The following SLC9A9 variants were observed in gnomAD, a reference collection of about 807,000 sequenced individuals.
SLC9A9 encodes the protein solute carrier family 9 member A9, also known as sodium/hydrogen exchanger 9.
In SLC9A9, 62 loss-of-function variants were observed where a neutral mutation model predicts 77.8. The ratio of observed to expected loss-of-function variants is 0.80; its 90% CI spans 0.65 to 0.98. The LOEUF is 0.98. SLC9A9 is among the 50% of genes least tolerant of loss of function. The pLI is 0.00. For missense variants in SLC9A9, 775 were observed against 774.9 expected (o/e 1.00, Z 0.00); for synonymous variants, 320 against 283.5 (o/e 1.13, Z -1.29).
At chr3:143,440,107 A>G (rs930766947) in intron 12 of SLC9A9, among the ~76,000 whole-genome samples, 5 of 152,236 alleles carry the variant, frequency 3.3e-5, no homozygotes, top group African/African-American at 1.2e-4. Flanking sequence ...GTTAAGAAAG[A>G]GTGAATGGTG....
At chr3:143,444,813 A>G (rs368788674) in intron 12 of SLC9A9, among the ~76,000 whole-genome samples, 47 of 152,324 alleles carry the variant, frequency 3.1e-4, no homozygotes, top group African/African-American at 8.9e-4. Flanking sequence ...TAAATGGGAA[A>G]GAAAGGTTTC....
intron 12 of SLC9A9, among the ~76,000 whole-genome samples, chr3:143,453,824 G>A (rs566708476): frequency 6.6e-6 from 1 of 152,076 alleles, no homozygotes; most frequent in Non-Finnish European, 1.5e-5. Flanking sequence ...AATGTTTTTT[G>A]TCCCCTCCAA....
chr3:143,609,449 G>T (rs1444498648), intron 6 of SLC9A9, among the ~76,000 whole-genome samples: 1 of 151,974 alleles, frequency 6.6e-6, no homozygotes, highest in African/African-American at 2.4e-5. Context: ...CTAGTATTTG[G>T]GCAGCAAGCT....
At chr3:143,352,863 T>C (rs961433978) in intron 14 of SLC9A9, among the ~76,000 whole-genome samples, 3 of 152,210 alleles carry the variant, frequency 2.0e-5, no homozygotes, top group Admixed American at 2.0e-4. Context: ...TTCTCCCTGT[T>C]AGATCAGCTT....
chr3:143,826,548 C>T (rs1318878055), intron 2 of SLC9A9, among the ~76,000 whole-genome samples: 1 of 152,148 alleles, frequency 6.6e-6, no homozygotes, highest in African/African-American at 2.4e-5. Context: ...GGCACACTAT[C>T]CTTTTGCTTT....
At chr3:143,673,135 C>T (rs1271039761) in intron 5 of SLC9A9, among the ~76,000 whole-genome samples, 1 of 152,160 alleles carries the variant, frequency 6.6e-6, no homozygotes, top group Admixed American at 6.5e-5. Context: ...AAATGCCTTT[C>T]ATTTTGGAAG....
At chr3:143,452,920 A>G (rs2035033099) in intron 12 of SLC9A9, among the ~76,000 whole-genome samples, 1 of 152,134 alleles carries the variant, frequency 6.6e-6, no homozygotes, top group Admixed American at 6.6e-5. Flanking sequence ...GATAAGAAGC[A>G]TGTGATGACT....
intron 12 of SLC9A9, among the ~76,000 whole-genome samples, chr3:143,426,838 T>C (rs2034416022): frequency 2.0e-5 from 3 of 152,200 alleles, no homozygotes; most frequent in Admixed American, 2.0e-4. Flanking sequence ...AAGGACCCTC[T>C]GAGATAATTT....
chr3:143,437,933 C>T (rs74424996), intron 12 of SLC9A9, among the ~76,000 whole-genome samples: 4,606 of 152,234 alleles, frequency 0.03, 242 homozygotes, highest in African/African-American at 0.11. Flanking sequence ...CATATGGTCA[C>T]TAGAAAATTA....
chr3:143,695,933 T>C (rs1452217518), intron 4 of SLC9A9, among the ~76,000 whole-genome samples: 1 of 152,226 alleles, frequency 6.6e-6, no homozygotes, highest in African/African-American at 2.4e-5. Context: ...CATGTATTTG[T>C]TGGCTGCATA....
At position 143,290,158 on chromosome 3, in the gene SLC9A9, A is replaced by C. The variant is rs1578265780; in HGVS notation, c.1605-21178T>G. On this transcript the variant is annotated intron_variant, in intron 14 of 15. Transcript: ENST00000316549. ...CTCAGGGGGAGGAGGGAAACCATGT[A>C]ATCTATTGTCAAAACTAGGACAGAG... Among the ~76,000 whole-genome samples the C allele has an allele frequency of 8.5e-5, 13 of 152,248 alleles. 1 individual carries two copies. The South Asian group carries it at 2.7e-3, about 32-fold the overall frequency.
intron 2 of SLC9A9, among the ~76,000 whole-genome samples, chr3:143,809,187 A>C (rs544991230): frequency 6.6e-6 from 1 of 152,278 alleles, no homozygotes; most frequent in Admixed American, 6.5e-5. Context: ...CAGTGGTACA[A>C]CCTCCTGGAC....
intron 2 of SLC9A9, among the ~76,000 whole-genome samples, chr3:143,800,930 C>G (rs1456526506): frequency 2.0e-5 from 3 of 152,150 alleles, no homozygotes; most frequent in Non-Finnish European, 4.4e-5. Flanking sequence ...CCGATTGTGT[C>G]CAAACTGATC....
intron 2 of SLC9A9, among the ~76,000 whole-genome samples, chr3:143,797,763 A>G (rs2008428476): frequency 6.6e-6 from 1 of 152,062 alleles, no homozygotes; most frequent in Non-Finnish European, 1.5e-5. Context: ...CCACCAGAGA[A>G]CAACCCCCTT....
intron 4 of SLC9A9, among the ~76,000 whole-genome samples, chr3:143,730,777 T>C (rs566665204): frequency 6.6e-6 from 1 of 152,240 alleles, no homozygotes; most frequent in South Asian, 2.1e-4. Flanking sequence ...GATGGATTGA[T>C]AATGGATGGA....
chr3:143,514,802 C>G (rs2036176095), intron 9 of SLC9A9, among the ~76,000 whole-genome samples: 1 of 152,228 alleles, frequency 6.6e-6, no homozygotes, highest in African/African-American at 2.4e-5. Context: ...GTTTTATCCT[C>G]TATCCAGACC....
chr3:143,421,521 A>G (rs575972415), intron 12 of SLC9A9, among the ~76,000 whole-genome samples: 1 of 152,254 alleles, frequency 6.6e-6, no homozygotes, highest in African/African-American at 2.4e-5. Flanking sequence ...TTAATAAATG[A>G]TGCTGGAATG....
chr3:143,349,751 C>T (rs1246810968), intron 14 of SLC9A9, among the ~76,000 whole-genome samples: 2 of 152,188 alleles, frequency 1.3e-5, no homozygotes, highest in Non-Finnish European at 2.9e-5. Flanking sequence ...TTCATAACAT[C>T]AGTTAACCTG....
chr3:143,597,469 C>T (rs2108683994), intron 6 of SLC9A9, among the ~76,000 whole-genome samples: 1 of 152,316 alleles, frequency 6.6e-6, no homozygotes, highest in East Asian at 1.9e-4. Flanking sequence ...GAACTGGCCT[C>T]GCAACCTTGC....
Sources: gnomAD v4.1 joint callset for allele counts (sites outside exome capture counted in the v4.1 genomes callset) on GRCh38, gnomAD v4.1.1 for gene constraint, MANE v1.5 for transcripts, NCBI Gene and HGNC (gene_info 2026-07-23, HGNC 2026-07-21) for gene names.